The following CNBD1 variants were observed in gnomAD, a reference collection of about 807,000 sequenced individuals.
The protein encoded by CNBD1 is cyclic nucleotide-binding domain-containing protein 1.
A neutral mutation model predicts 54.4 loss-of-function variants in CNBD1; 71 were observed. The ratio of observed to expected loss-of-function variants is 1.30; its 90% CI spans 1.08 to 1.59. The LOEUF is 1.59. CNBD1 is among the 40% of genes most tolerant of loss of function. The pLI is 0.00. For synonymous variants in CNBD1, 182 were observed against 170.7 expected (o/e 1.07, Z -0.51); for missense variants, 659 against 518.0 (o/e 1.27, Z -2.64).
chr8:87,361,105 G>A (rs546983383), intron 10 of CNBD1, among the ~76,000 whole-genome samples: 2 of 151,932 alleles, frequency 1.3e-5, no homozygotes, highest in South Asian at 2.1e-4. Flanking sequence ...TTCCCCTTTT[G>A]CGTTTTTGCA....
At chr8:86,951,283 G>C (rs1006821961) in intron 4 of CNBD1, among the ~76,000 whole-genome samples, 1 of 151,894 alleles carries the variant, frequency 6.6e-6, no homozygotes, top group Non-Finnish European at 1.5e-5. Context: ...GCTACATTCA[G>C]TTTTGGCAAG....
chr8:87,144,756 G>A lies in CNBD1; in HGVS notation c.432-61237G>A, dbSNP rs921249597. Among the ~76,000 whole-genome samples, 5 of 150,676 alleles carry A rather than the reference G, an allele frequency of 3.3e-5. 1 individual carries two copies. In the Middle Eastern group the frequency reaches 0.01, roughly 310 times the overall value. ...GAATGGCTTGAATCCAGGAGGCAGA[G>A]CTTGCAGTGAGCCAAATTGCGCCAT... On this transcript the variant is annotated intron_variant, in intron 4 of 10. Coordinates refer to ENST00000518476, the MANE Select transcript of CNBD1 (RefSeq NM_173538.3).
In CNBD1 at chr8:87,166,853, C is replaced by A. The variant is rs887487210; in HGVS notation, c.432-39140C>A. Among the ~76,000 whole-genome samples the A allele has an allele frequency of 1.3e-5, 2 of 151,890 alleles. No individual in the cohort carries two copies. Among genetic ancestry groups the A allele is most frequent in the Non-Finnish European group, 2.9e-5 (2 of 67,942 alleles). On this transcript the variant is annotated intron_variant, in intron 4 of 10. Transcript: ENST00000518476. This position sits in a 1 kb window ranked among gnomAD's most constrained non-coding sequence, Gnocchi z 4.3. The stretch of plus-strand genomic sequence containing the variant: ...ACCCCACCACAAACTCATAATTGTT[C>A]TATTTTCCAGTATAGTATGTAACTA...
intron 8 of CNBD1, among the ~76,000 whole-genome samples, chr8:87,343,074 T>C (rs1352755868): frequency 2.0e-5 from 3 of 152,242 alleles, no homozygotes; most frequent in Admixed American, 2.0e-4. Context: ...CCAGGGTTAT[T>C]CCTTGCTGCA....
intron 8 of CNBD1, among the ~76,000 whole-genome samples, chr8:87,343,929 A>G (rs556947777): frequency 2.6e-5 from 4 of 152,248 alleles, no homozygotes; most frequent in South Asian, 4.1e-4. Flanking sequence ...GTATAAATAT[A>G]TCATACTTGA....
chr8:86,887,552 G>A lies in CNBD1; in HGVS notation c.99G>A (p.Lys33=), dbSNP rs139576513. 3.5e-4 allele frequency: 547 copies of A among 1,566,228 alleles called. 1 individual carries two copies. The African/African-American group carries it at 6.7e-3, about 19-fold the overall frequency. ...PPLHSIPNLK[K]SKHINYGQLN... Reference sequence around the variant, plus strand: ...TTGATTTTTTTTCAGACTTGAAAAAGTCTAAGCACATTAATTATGGCCAGT... The same window carrying A: ...TTGATTTTTTTTCAGACTTGAAAAAATCTAAGCACATTAATTATGGCCAGT... The change falls in exon 2 of 11, where the codon AAG becomes AAA. Residue 33 remains lysine (K), a synonymous_variant. Transcript: ENST00000518476.
At chr8:86,991,933 T>C (rs554942517) in intron 4 of CNBD1, among the ~76,000 whole-genome samples, 13 of 152,308 alleles carry the variant, frequency 8.5e-5, no homozygotes, top group Admixed American at 1.3e-4. Context: ...TGACTGAGCA[T>C]GTAGTTGATC....
At chr8:86,927,890 G>A (rs1339092027) in intron 3 of CNBD1, among the ~76,000 whole-genome samples, 2 of 151,998 alleles carry the variant, frequency 1.3e-5, no homozygotes, top group South Asian at 2.1e-4. Context: ...CAGGTGTATC[G>A]AGGCTGGTCT....
intron 8 of CNBD1, among the ~76,000 whole-genome samples, chr8:87,351,268 C>G (rs997245470): frequency 2.6e-5 from 4 of 152,120 alleles, no homozygotes; most frequent in Non-Finnish European, 5.9e-5. Flanking sequence ...GATATAGGCT[C>G]TGGAAAGTGA....
intron 2 of CNBD1, among the ~76,000 whole-genome samples, chr8:87,409,617 C>T (rs1490690081): frequency 1.3e-5 from 2 of 152,112 alleles, no homozygotes; most frequent in Admixed American, 1.3e-4. Context: ...GGTTTCAAAG[C>T]TTCAAATAAT....
intron 2 of CNBD1, among the ~76,000 whole-genome samples, chr8:87,426,713 G>A (rs547094024): frequency 7.9e-5 from 12 of 152,152 alleles, no homozygotes; most frequent in South Asian, 6.2e-4. Flanking sequence ...ATGAAATAAC[G>A]GCAATTGCAG....
chr8:87,303,515 A>T (rs1198637141), intron 8 of CNBD1, among the ~76,000 whole-genome samples: 2 of 152,236 alleles, frequency 1.3e-5, no homozygotes, highest in African/African-American at 4.8e-5. Flanking sequence ...TAAATGTTAG[A>T]CCTAAAACCA....
chr8:87,304,664 A>G (rs1319688067), intron 8 of CNBD1, among the ~76,000 whole-genome samples: 2 of 152,082 alleles, frequency 1.3e-5, no homozygotes, highest in South Asian at 2.1e-4. Flanking sequence ...TAAAAATCAC[A>G]TAATCATTTC....
intron 4 of CNBD1, among the ~76,000 whole-genome samples, chr8:87,071,239 T>C (rs1810753471): frequency 6.6e-6 from 1 of 152,098 alleles, no homozygotes; most frequent in South Asian, 2.1e-4. Context: ...AAATGCAATT[T>C]TTCACCACTT....
intron 5 of CNBD1, among the ~76,000 whole-genome samples, chr8:87,221,699 ATTTATT>A (rs1814343125): frequency 6.6e-6 from 1 of 152,108 alleles, no homozygotes; most frequent in Admixed American, 6.6e-5. Context: ...CCAGAAGAGT[ATTTATT>A]TTTATTTTGG....
intron 10 of CNBD1, among the ~76,000 whole-genome samples, chr8:87,370,643 G>A (rs905017987): frequency 6.6e-6 from 1 of 151,640 alleles, no homozygotes; most frequent in Non-Finnish European, 1.5e-5. Flanking sequence ...TGTCAGATGA[G>A]TAGGTTGCAA....
intron 4 of CNBD1, among the ~76,000 whole-genome samples, chr8:87,100,619 G>A (rs1343652847): frequency 6.6e-6 from 1 of 152,108 alleles, no homozygotes; most frequent in Non-Finnish European, 1.5e-5. Context: ...GGGGTTACAG[G>A]CACCTACTAC....
intron 2 of CNBD1, among the ~76,000 whole-genome samples, chr8:87,395,773 C>T (rs1243693972): frequency 6.6e-6 from 1 of 151,792 alleles, no homozygotes; most frequent in African/African-American, 2.4e-5. Flanking sequence ...TTCCCCTAAT[C>T]CCCACGTATC....
chr8:87,389,955 C>G (rs996941141), intron 2 of CNBD1, among the ~76,000 whole-genome samples: 2 of 152,060 alleles, frequency 1.3e-5, no homozygotes, highest in African/African-American at 4.8e-5. Context: ...ATATCTACAA[C>G]AATCTGATCT....
Sources: allele counts gnomAD v4.1 joint callset (sites outside exome capture counted in the v4.1 genomes callset), GRCh38; gene constraint gnomAD v4.1.1; non-coding constraint Gnocchi (gnomAD v3.1); transcripts MANE v1.5; gene names NCBI Gene and HGNC (gene_info 2026-07-23, HGNC 2026-07-21).